The following FANCI variants were observed in gnomAD, a reference collection of about 807,000 sequenced individuals.
The protein encoded by FANCI is FA complementation group I, also known as Fanconi anemia group I protein.
Under a neutral mutation model 176.1 loss-of-function variants are expected in FANCI, and 156 were observed. That is an observed-to-expected ratio of 0.89 (90% CI 0.78 to 1.01). FANCI has a LOEUF of 1.01. FANCI is among the 50% of genes least tolerant of loss of function. The pLI is 0.00. For missense variants in FANCI, 1,678 were observed against 1,534.1 expected, an observed-to-expected ratio of 1.09 and a Z score of -1.57; for synonymous variants, 613 against 541.7, an observed-to-expected ratio of 1.13 and a Z score of -1.83.
rs149369179 is a variant in FANCI, at chr15:89,268,187, C to T, written c.756-212C>T. Among the ~76,000 whole-genome samples, 425 of 152,228 alleles carry T rather than the reference C, an allele frequency of 2.8e-3. 8 individuals carry two copies. Among genetic ancestry groups the T allele is most frequent in the East Asian group, 0.015 (76 of 5,176 alleles). ...TTGGCTCACGGCAACGTCCACCTTCCGGGCTGAAGCAATCCTCCCACCTCA... is the reference window on the plus strand; with the variant it reads ...TTGGCTCACGGCAACGTCCACCTTCTGGGCTGAAGCAATCCTCCCACCTCA... On this transcript the variant is annotated intron_variant, in intron 9 of 37. Coordinates refer to ENST00000310775, the MANE Select transcript of FANCI (RefSeq NM_001113378.2).
chr15:89,271,858 G>T (rs961856214), intron 10 of FANCI, among the ~76,000 whole-genome samples: 1 of 152,160 alleles, frequency 6.6e-6, no homozygotes, highest in East Asian at 1.9e-4. Context: ...CTCCCAGCTG[G>T]TGGACATTTG....
At position 89,260,757 on chromosome 15, in the gene FANCI, A is replaced by C; in HGVS notation, c.202A>C (p.Ile68Leu). 1 of 1,614,064 alleles carries C rather than the reference A, an allele frequency of 6.2e-7. No homozygotes were observed. The highest frequency in any genetic ancestry group is 8.5e-7 in the Non-Finnish European group (1 of 1,179,956). The change falls in exon 4 of 38, where the codon ATA (isoleucine) becomes CTA (leucine). Residue 68 changes from isoleucine to leucine, a missense_variant. Ile to Leu is a conservative substitution (Grantham distance 5). This residue lies in a region of FANCI where 469 missense variants were observed against 436.9 expected (regional missense o/e 1.07). Transcript: ENST00000310775. Reference protein sequence around the residue: ...EEAGTLRRRKIYTCCIQLVES... With the variant: ...EEAGTLRRRKLYTCCIQLVES... Reference sequence around the variant, plus strand: ...AGCTGGAACACTTAGGAGACGTAAGATATACACTTGTTGTATCCAGTTGGT... The same window carrying C: ...AGCTGGAACACTTAGGAGACGTAAGCTATACACTTGTTGTATCCAGTTGGT...
In FANCI at chr15:89,317,104, T is replaced by G. The variant is rs1207667204; in HGVS notation, c.*645T>G. On this transcript the variant is annotated 3_prime_UTR_variant, in exon 38 of 38. Coordinates refer to ENST00000310775, the MANE Select transcript of FANCI (RefSeq NM_001113378.2). ...TCACCTATAGAGTGCAAGAATGCACTCTATAGAATAAATTATCTTTAAACA... is the reference window on the plus strand; with the variant it reads ...TCACCTATAGAGTGCAAGAATGCACGCTATAGAATAAATTATCTTTAAACA... 5 of 591,652 alleles carry G rather than the reference T, an allele frequency of 8.5e-6. No homozygotes were observed. The highest frequency in any genetic ancestry group is 1.5e-5 in the Non-Finnish European group (5 of 334,238). The allele number at this position is 591,652 out of a possible 1,614,324, so 36.7% of individuals were successfully genotyped here. A position where few individuals can be genotyped will look rare whatever the true frequency, so the allele number is the denominator to read the frequency against.
intron 9 of FANCI, among the ~76,000 whole-genome samples, chr15:89,266,328 ATTT>A (rs549962840): frequency 6.2e-5 from 8 of 130,026 alleles, no homozygotes; most frequent in African/African-American, 2.9e-5. Context: ...TGCCTGGCTA[ATTT>A]TTTTTTTTTT....
intron 7 of FANCI, among the ~76,000 whole-genome samples, 164 bp downstream of exon 7, chr15:89,263,624 C>T (rs2052811754): frequency 6.6e-6 from 1 of 152,104 alleles, no homozygotes; most frequent in African/African-American, 2.4e-5. Flanking sequence ...ACTCCTGCCT[C>T]CTTTTTGGCT....
In FANCI at chr15:89,261,741, G is replaced by A. The variant is rs763494935; in HGVS notation, c.445G>A (p.Gly149Ser). The A allele has an allele frequency of 1.2e-6, 2 of 1,614,070 alleles. No homozygotes were observed. Among genetic ancestry groups the A allele is most frequent in the East Asian group, 4.5e-5 (2 of 44,870 alleles). The change falls in exon 5 of 38, where the codon GGT becomes AGT. Residue 149 changes from glycine to serine, a missense_variant and splice_region_variant. Gly to Ser is a moderately conservative substitution (Grantham distance 56, BLOSUM62 0). Around this residue, in one of 3 missense-constraint regions of FANCI, gnomAD observed 469 missense variants for 436.9 expected, o/e 1.07. Coordinates refer to ENST00000310775, the MANE Select transcript of FANCI (RefSeq NM_001113378.2). ...AAAGGAAAATCTGGCTTATGGAAAA[G>A]GTAATTTTCTTCCGACTTTAGTGGC... ...TKKENLAYGK[G>S]VLSGEECKKQ...
At chr15:89,263,864 T>G (rs759968338) in intron 7 of FANCI, 39 bp from the exon 8 acceptor site, 12 of 1,613,318 alleles carry the variant, frequency 7.4e-6, no homozygotes, top group Admixed American at 3.3e-5. Context: ...ACAAGGCAGT[T>G]AGACACTGTC....
intron 32 of FANCI, among the ~76,000 whole-genome samples, chr15:89,306,942 T>C (rs890756355): frequency 1.3e-5 from 2 of 152,226 alleles, no homozygotes; most frequent in Admixed American, 1.3e-4. Context: ...AAATGCCTTA[T>C]AGATCAAATA....
At chr15:89,247,487 T>C in intron 1 of FANCI, 142 bp from the exon 2 acceptor site, 1 of 661,250 alleles carries the variant, frequency 1.5e-6, no homozygotes, top group Non-Finnish European at 2.7e-6. Flanking sequence ...GAAAAAAGAA[T>C]CAGCTACTTA....
Position 89,315,278 on chromosome 15 carries a change from A to G in FANCI, c.3817-4A>G, listed in dbSNP as rs776056299. On this transcript the variant is annotated splice_polypyrimidine_tract_variant and splice_region_variant and intron_variant, in intron 36 of 37. Coordinates refer to ENST00000310775, the MANE Select transcript of FANCI (RefSeq NM_001113378.2). ...GATGTCCCATGCTTACAATCTTGTC[A>G]TAGGTGAACCTGATGCAGCACATGA... The G allele has an allele frequency of 6.2e-7, 1 of 1,609,628 alleles. No individual in the cohort carries two copies. Among genetic ancestry groups the G allele is most frequent in the Non-Finnish European group, 8.5e-7 (1 of 1,175,866 alleles).
chr15:89,283,300 A>C, intron 17 of FANCI, 50 bp downstream of exon 17: 2 of 1,611,796 alleles, frequency 1.2e-6, no homozygotes, highest in Non-Finnish European at 8.5e-7. Flanking sequence ...ATTCATGTGC[A>C]TCGATGAAAT....
At chr15:89,300,427 T>C (rs1472900602) in intron 26 of FANCI, 42 bp downstream of exon 26, 1 of 1,567,432 alleles carries the variant, frequency 6.4e-7, no homozygotes, top group East Asian at 2.2e-5. Flanking sequence ...CTGAGAGGCT[T>C]TGCAAAGGAA....
chr15:89,262,941 A>G (rs951086015), intron 6 of FANCI, among the ~76,000 whole-genome samples: 13 of 152,350 alleles, frequency 8.5e-5, no homozygotes, highest in Admixed American at 2.6e-4. Flanking sequence ...TTTATTGGCC[A>G]GGCTGGTCTC....
chr15:89,277,659 C>G (rs1184951539), intron 13 of FANCI, among the ~76,000 whole-genome samples: 1 of 146,438 alleles, frequency 6.8e-6, no homozygotes, highest in Non-Finnish European at 1.5e-5. Flanking sequence ...TTCATTGTTT[C>G]TGAAGAAACC....
Position 89,293,871 on chromosome 15 carries a change from G to A in FANCI, c.2330G>A (p.Cys777Tyr). 6.2e-7 allele frequency: 1 copy of A among 1,614,092 alleles called. No homozygotes were observed. Among genetic ancestry groups the A allele is most frequent in the African/African-American group, 1.3e-5 (1 of 75,036 alleles). ...RFEDILSLFM[C>Y]YKKLSDILNE... ...GAGGACATTCTGAGCTTATTTATGTGTTACAAAAAACTCTCTGACATTCTT... is the reference window on the plus strand; with the variant it reads ...GAGGACATTCTGAGCTTATTTATGTATTACAAAAAACTCTCTGACATTCTT... Residue 777 changes from cysteine to tyrosine, a missense_variant, in exon 23 of 38, where the codon TGT becomes TAT. Physicochemically the swap from Cys to Tyr is radical, Grantham distance 194. Coordinates refer to ENST00000310775, the MANE Select transcript of FANCI (RefSeq NM_001113378.2).
intron 10 of FANCI, 33 bp downstream of exon 10, chr15:89,268,558 CTTTTGAATGAAAGTGTTTGA>C: frequency 6.2e-7 from 1 of 1,613,264 alleles, no homozygotes; most frequent in Non-Finnish European, 8.5e-7. Flanking sequence ...ATCTGGGTCT[CTTTTGAATGAAAGTGTTTGA>C]ACTTAAGCCA....
chr15:89,276,734 C>G lies in FANCI; in HGVS notation c.1136C>G (p.Thr379Ser), dbSNP rs1242293794. ...KNSVHSWDHV[T>S]QGLVELGFIL... is the part of the protein sequence containing the mutation. ...AGCGTTCATAGCTGGGACCATGTTACTCAGGGCCTCGTAGAACTTGGTTTC... is the reference window on the plus strand; with the variant it reads ...AGCGTTCATAGCTGGGACCATGTTAGTCAGGGCCTCGTAGAACTTGGTTTC... Residue 379 changes from threonine (T) to serine (S), a missense_variant, in exon 13 of 38, where the codon ACT (threonine) becomes AGT (serine). Physicochemically the swap from Thr to Ser is moderately conservative, Grantham distance 58. Transcript: ENST00000310775. The G allele has an allele frequency of 6.2e-7, 1 of 1,614,170 alleles. No homozygotes were observed.
At chr15:89,313,774 A>AAT (rs1357371917) in intron 35 of FANCI, among the ~76,000 whole-genome samples, 1 of 152,092 alleles carries the variant, frequency 6.6e-6, no homozygotes, top group African/African-American at 2.4e-5. Flanking sequence ...GGACTGGCTA[A>AAT]ATAGGTTATA....
chr15:89,308,084 C>T (rs1296331746), intron 34 of FANCI: 6 of 1,124,282 alleles, frequency 5.3e-6, no homozygotes, highest in Admixed American at 4.5e-5. Context: ...AGTGGAAGGA[C>T]GTGGCTTTGT....
Sources: gnomAD v4.1 joint callset for allele counts (sites outside exome capture counted in the v4.1 genomes callset) on GRCh38, gnomAD v4.1.1 for gene constraint, gnomAD v4.1.1 regional missense constraint, MANE v1.5 for transcripts, NCBI Gene and HGNC (gene_info 2026-07-23, HGNC 2026-07-21) for gene names.